The following PPP1R9A variants were observed in gnomAD, a reference collection of about 807,000 sequenced individuals.
PPP1R9A encodes neurabin-1.
In PPP1R9A, 59 loss-of-function variants were observed where a neutral mutation model predicts 141.9. That is an observed-to-expected ratio of 0.42 (90% CI 0.34 to 0.52). The LOEUF (loss-of-function observed/expected upper bound fraction) is 0.52. Ranked by LOEUF, PPP1R9A falls within the 20% of genes least tolerant of loss-of-function variation. The pLI, the probability that PPP1R9A is intolerant of heterozygous loss-of-function variation, is 0.10. For missense variants in PPP1R9A, 1,444 were observed against 1,611.9 expected, an observed-to-expected ratio of 0.90 and a Z score of 1.78; for synonymous variants, 500 against 569.7, an observed-to-expected ratio of 0.88 and a Z score of 1.74.
intron 2 of PPP1R9A, among the ~76,000 whole-genome samples, chr7:94,979,017 G>A (rs962349728): frequency 2.0e-5 from 3 of 152,118 alleles, no homozygotes; most frequent in African/African-American, 7.2e-5. Context: ...GGCTGGTCTC[G>A]AACTGCTGAC....
chr7:94,931,872 C>T (rs749899013), intron 2 of PPP1R9A, among the ~76,000 whole-genome samples: 4 of 152,176 alleles, frequency 2.6e-5, no homozygotes, highest in Non-Finnish European at 4.4e-5. Context: ...GCCACCGTGC[C>T]CGACTGACTG....
chr7:95,276,808 A>G (rs1585599154), intron 16 of PPP1R9A, among the ~76,000 whole-genome samples: 1 of 152,202 alleles, frequency 6.6e-6, no homozygotes. Flanking sequence ...GCAAGAAAAA[A>G]AATTTTGAGC....
At chr7:95,238,558 G>A (rs190578740) in intron 8 of PPP1R9A, among the ~76,000 whole-genome samples, 3 of 152,248 alleles carry the variant, frequency 2.0e-5, no homozygotes, top group African/African-American at 7.2e-5. Context: ...TTTCTCATCA[G>A]CTGTTTTATT....
intron 14 of PPP1R9A, among the ~76,000 whole-genome samples, chr7:95,272,021 G>A (rs541134151): frequency 1.4e-4 from 21 of 152,260 alleles, no homozygotes; most frequent in African/African-American, 4.8e-4. Flanking sequence ...TCCTGGGAAC[G>A]CACTTTGGCA....
chr7:94,972,161 T>G (rs1798923516), intron 2 of PPP1R9A, among the ~76,000 whole-genome samples: 1 of 152,208 alleles, frequency 6.6e-6, no homozygotes, highest in Admixed American at 6.5e-5. Context: ...AGTTGTCTGT[T>G]TTTTCATACA....
At chr7:94,924,791 A>G (rs1314269312) in intron 2 of PPP1R9A, among the ~76,000 whole-genome samples, 1 of 151,974 alleles carries the variant, frequency 6.6e-6, no homozygotes, top group Non-Finnish European at 1.5e-5. Context: ...CGGCCTCCCA[A>G]AGTGCTGGGA....
At chr7:95,185,154 G>A (rs755319958) in intron 5 of PPP1R9A, among the ~76,000 whole-genome samples, 13 of 151,008 alleles carry the variant, frequency 8.6e-5, no homozygotes, top group Non-Finnish European at 1.3e-4. Context: ...CCCACCAGCC[G>A]TGTAAAAGTG....
At chr7:95,124,575 G>A (rs536764583) in intron 4 of PPP1R9A, among the ~76,000 whole-genome samples, 37 of 152,200 alleles carry the variant, frequency 2.4e-4, no homozygotes, top group African/African-American at 8.2e-4. Context: ...TCACCCCGAG[G>A]AAATTACTTG....
intron 2 of PPP1R9A, among the ~76,000 whole-genome samples, chr7:94,975,356 G>GTTTTTTTTTTTTTTT (rs68186534): frequency 4.1e-5 from 5 of 120,758 alleles, no homozygotes; most frequent in Non-Finnish European, 8.8e-5. Context: ...GTTTTTTTTT[G>GTTTTTTTTTTTTTTT]TTTTTTTTTT....
At chr7:95,068,301 C>T (rs1207024766) in intron 2 of PPP1R9A, among the ~76,000 whole-genome samples, 1 of 151,696 alleles carries the variant, frequency 6.6e-6, no homozygotes, top group Non-Finnish European at 1.5e-5. Context: ...GAAAGCCCAT[C>T]TCTACTAAAA....
intron 2 of PPP1R9A, among the ~76,000 whole-genome samples, chr7:94,964,982 A>G (rs1798045098): frequency 6.6e-6 from 1 of 152,188 alleles, no homozygotes; most frequent in Admixed American, 6.5e-5. Flanking sequence ...CCTCTCCAGC[A>G]TCTGCTGTTT....
chr7:95,180,568 A>G (rs1259858257), intron 5 of PPP1R9A, among the ~76,000 whole-genome samples: 1 of 152,188 alleles, frequency 6.6e-6, no homozygotes, highest in African/African-American at 2.4e-5. Context: ...AGCCAAAGTC[A>G]CAGTCAGCAG....
chr7:94,986,773 G>T (rs888854058), intron 2 of PPP1R9A, among the ~76,000 whole-genome samples: 2 of 152,170 alleles, frequency 1.3e-5, no homozygotes, highest in African/African-American at 2.4e-5. Context: ...AAGGGAAAAA[G>T]AAATAGATTT....
At chr7:95,169,524 A>G (rs946635873) in intron 5 of PPP1R9A, among the ~76,000 whole-genome samples, 1 of 151,980 alleles carries the variant, frequency 6.6e-6, no homozygotes, top group Non-Finnish European at 1.5e-5. Context: ...TAGCTAGAAC[A>G]GAGCACTTGA....
intron 2 of PPP1R9A, among the ~76,000 whole-genome samples, chr7:94,941,156 G>A (rs530493192): frequency 3.3e-4 from 50 of 152,210 alleles, no homozygotes; most frequent in Middle Eastern, 6.8e-3. Flanking sequence ...AATAAAATGG[G>A]AGTAGAGAGG....
chr7:95,027,589 G>A (rs189057735), intron 2 of PPP1R9A, among the ~76,000 whole-genome samples: 67 of 152,258 alleles, frequency 4.4e-4, no homozygotes, highest in South Asian at 8.3e-4. Flanking sequence ...GTCACTTAGC[G>A]ACGGGGATAC....
intron 2 of PPP1R9A, among the ~76,000 whole-genome samples, chr7:95,092,221 A>G (rs1817450605): frequency 6.6e-6 from 1 of 152,138 alleles, no homozygotes; most frequent in Non-Finnish European, 1.5e-5. Context: ...AATTCTTATG[A>G]TGACAGCTGA....
chr7:95,115,759 T>TA (rs951827362), intron 3 of PPP1R9A, among the ~76,000 whole-genome samples: 2 of 150,586 alleles, frequency 1.3e-5, no homozygotes, highest in Admixed American at 6.6e-5. Flanking sequence ...CTACTAAAAA[T>TA]AAAAAAAATT....
chr7:95,173,570 A>G (rs1832470682), intron 5 of PPP1R9A, among the ~76,000 whole-genome samples: 1 of 152,110 alleles, frequency 6.6e-6, no homozygotes. Flanking sequence ...TGGAAAAACA[A>G]GCCACTTAAG....
Sources: allele counts gnomAD v4.1 joint callset (sites outside exome capture counted in the v4.1 genomes callset), GRCh38; gene constraint gnomAD v4.1.1; transcripts MANE v1.5; gene names NCBI Gene and HGNC (gene_info 2026-07-23, HGNC 2026-07-21).